Variants in ERC2 observed in about 807,000 individuals in gnomAD.
The protein encoded by ERC2 is ELKS/RAB6-interacting/CAST family member 2.
ERC2 carries 42 observed loss-of-function variants against 114.8 expected under a neutral mutation model. The observed-to-expected ratio is 0.37, with a 90% CI of 0.29 to 0.47. The LOEUF (loss-of-function observed/expected upper bound fraction) is 0.47. Ranked by LOEUF, ERC2 falls within the 20% of genes least tolerant of loss-of-function variation. The pLI, the probability that ERC2 is intolerant of heterozygous loss-of-function variation, is 0.99. For missense variants in ERC2, 939 were observed against 1,150.7 expected, an observed-to-expected ratio of 0.82 and a Z score of 2.66; for synonymous variants, 454 against 425.5, an observed-to-expected ratio of 1.07 and a Z score of -0.82.
At chr3:56,326,522 G>A (rs1453506800) in intron 2 of ERC2, among the ~76,000 whole-genome samples, 2 of 152,230 alleles carry the variant, frequency 1.3e-5, no homozygotes, top group East Asian at 3.8e-4. Context: ...CTCTAAAGCT[G>A]TTCTCCAGAA....
intron 3 of ERC2, among the ~76,000 whole-genome samples, chr3:56,187,831 T>C (rs1231533952): frequency 1.3e-5 from 2 of 152,132 alleles, no homozygotes; most frequent in East Asian, 3.9e-4. Flanking sequence ...AGTATAAATG[T>C]CAACTCGCTA....
Position 56,296,250 on chromosome 3 carries a change from C to T in ERC2, c.843G>A (p.Arg281=), listed in dbSNP as rs775476696. The change falls in exon 3 of 18, where the codon AGG becomes AGA. Residue 281 remains arginine (R), a synonymous_variant. Transcript: ENST00000288221. ...TCAGCTCCATTTCCTCTAATGTCTT[C>T]CTCAAAAGGAACAGCTCCTTAGCCT... The part of the protein sequence containing the change: ...DRQAKELFLL[R]KTLEEMELRI... The T allele has an allele frequency of 3.1e-6, 5 of 1,614,032 alleles. No individual in the cohort carries two copies. The highest frequency in any genetic ancestry group is 4.2e-6 in the Non-Finnish European group (5 of 1,179,896).
chr3:55,933,700 G>A (rs79553049), intron 13 of ERC2, among the ~76,000 whole-genome samples: 4,757 of 152,262 alleles, frequency 0.031, 99 homozygotes, highest in Non-Finnish European at 0.045. Flanking sequence ...CACAGGAGCC[G>A]TGCCATTTCC....
chr3:56,122,683 A>G (rs2079646128), intron 6 of ERC2, among the ~76,000 whole-genome samples: 1 of 152,156 alleles, frequency 6.6e-6, no homozygotes, highest in Non-Finnish European at 1.5e-5. Flanking sequence ...ACTGTAGGCA[A>G]TAGGATGGCC....
intron 13 of ERC2, among the ~76,000 whole-genome samples, chr3:55,897,523 A>G (rs559019585): frequency 3.5e-4 from 54 of 152,328 alleles, no homozygotes; most frequent in African/African-American, 1.0e-3. Flanking sequence ...CACAGAACCA[A>G]TGAAATCCCC....
chr3:56,217,818 C>T (rs978885251), intron 3 of ERC2, among the ~76,000 whole-genome samples: 2 of 152,060 alleles, frequency 1.3e-5, no homozygotes, highest in African/African-American at 4.8e-5. Context: ...AGAACAGAGC[C>T]CTCAGAAATA....
intron 17 of ERC2, among the ~76,000 whole-genome samples, chr3:55,619,597 G>A (rs1285341522): frequency 6.6e-6 from 1 of 152,120 alleles, no homozygotes; most frequent in Non-Finnish European, 1.5e-5. Flanking sequence ...CAAAACTGAA[G>A]TTTTGTTTCA....
At position 55,829,441 on chromosome 3, in the gene ERC2, T is replaced by C. The variant is rs550218497; in HGVS notation, c.2564+58948A>G. Among the ~76,000 whole-genome samples, 4 of 152,056 alleles carry C rather than the reference T, an allele frequency of 2.6e-5. No individual in the cohort carries two copies. In the South Asian group the frequency reaches 8.3e-4, roughly 32 times the overall value. ...CTTGAAGACAGATCAACAGAAATCA[T>C]CCAATCCAAAAAATAAAAGTGGAGA... On this transcript the variant is annotated intron_variant, in intron 14 of 17. Transcript: ENST00000288221.
At chr3:56,246,078 T>G (rs1042874931) in intron 3 of ERC2, among the ~76,000 whole-genome samples, 1 of 139,288 alleles carries the variant, frequency 7.2e-6, no homozygotes, top group Admixed American at 8.0e-5. Flanking sequence ...ATCATCAGTT[T>G]TTCCTCAGAT....
chr3:55,684,113 T>C (rs1287712446), intron 16 of ERC2, among the ~76,000 whole-genome samples: 1 of 152,164 alleles, frequency 6.6e-6, no homozygotes, highest in Non-Finnish European at 1.5e-5. Flanking sequence ...TCTGAGTCTG[T>C]GTCAAAATCG....
At position 55,553,011 on chromosome 3, in the gene ERC2, ATTTTTTTTT is replaced by A. The variant is rs66602607; in HGVS notation, c.*40-41744_*40-41736del. ...GTCGTTATTATTGTGGGGCTTCCAG[ATTTTTTTTT>A]TTTTTTTTTTTTTTTTTTTGAGATG... On this transcript the variant is annotated intron_variant, in intron 17 of 17. Coordinates refer to ENST00000288221, the MANE Select transcript of ERC2 (RefSeq NM_015576.3). Among the ~76,000 whole-genome samples, 114 of 55,222 alleles carry A rather than the reference ATTTTTTTTT, an allele frequency of 2.1e-3. 1 individual carries two copies. Among genetic ancestry groups the A allele is most frequent in the Middle Eastern group, 0.016 (1 of 64 alleles). The allele number at this position is 55,222 out of a possible 152,430, so 36.2% of individuals were successfully genotyped here. A position where few individuals can be genotyped will look rare whatever the true frequency, so the allele number is the denominator to read the frequency against.
At chr3:55,959,920 G>T (rs2068237795) in intron 12 of ERC2, among the ~76,000 whole-genome samples, 2 of 152,290 alleles carry the variant, frequency 1.3e-5, no homozygotes, top group South Asian at 4.1e-4. Context: ...TGCCATCTGT[G>T]CCCGCATGAA....
intron 3 of ERC2, among the ~76,000 whole-genome samples, chr3:56,247,925 T>C (rs2051830494): frequency 6.6e-6 from 1 of 152,224 alleles, no homozygotes; most frequent in African/African-American, 2.4e-5. Context: ...TAACATGCTA[T>C]CTGAAACACA....
At chr3:56,231,512 TA>T (rs1182585883) in intron 3 of ERC2, among the ~76,000 whole-genome samples, 3 of 152,370 alleles carry the variant, frequency 2.0e-5, no homozygotes, top group Non-Finnish European at 4.4e-5. Flanking sequence ...CATGTGGGGA[TA>T]GCATCTAGAC....
chr3:55,876,520 G>T (rs889678875), intron 14 of ERC2, among the ~76,000 whole-genome samples: 2 of 152,222 alleles, frequency 1.3e-5, no homozygotes, highest in Non-Finnish European at 2.9e-5. Context: ...TACCCAGAGG[G>T]ATGTTGTGAA....
chr3:55,942,266 C>CTTTTTTTTTTTTTTTTTTTTTTTT (rs56851837), intron 13 of ERC2, among the ~76,000 whole-genome samples: 2 of 42,110 alleles, frequency 4.7e-5, no homozygotes, highest in African/African-American at 8.4e-5. Flanking sequence ...AAGGTCCTTT[C>CTTTTTTTTTTTTTTTTTTTTTTTT]TTTTTTTTTT....
intron 14 of ERC2, among the ~76,000 whole-genome samples, chr3:55,736,584 C>A (rs1249636607): frequency 1.3e-5 from 2 of 152,094 alleles, no homozygotes; most frequent in Non-Finnish European, 2.9e-5. Context: ...AAATTGGGAC[C>A]TCATCGATCT....
At chr3:55,664,823 T>G (rs1183668496) in intron 17 of ERC2, among the ~76,000 whole-genome samples, 2 of 152,198 alleles carry the variant, frequency 1.3e-5, no homozygotes, top group Non-Finnish European at 2.9e-5. Context: ...AAGATCAAGT[T>G]TGCTCAAATC....
intron 17 of ERC2, among the ~76,000 whole-genome samples, chr3:55,594,563 C>T (rs926262928): frequency 2.0e-5 from 3 of 152,078 alleles, no homozygotes; most frequent in African/African-American, 7.2e-5. Flanking sequence ...CTCACTGCAA[C>T]CTCCGCACCC....
Sources: allele counts gnomAD v4.1 joint callset (sites outside exome capture counted in the v4.1 genomes callset), GRCh38; gene constraint gnomAD v4.1.1; transcripts MANE v1.5; gene names NCBI Gene and HGNC (gene_info 2026-07-23, HGNC 2026-07-21).